The following KCNN2 variants were observed in gnomAD, a reference collection of about 807,000 sequenced individuals.
KCNN2 encodes small conductance calcium-activated potassium channel protein 2.
KCNN2 carries 24 observed loss-of-function variants against 55.5 expected under a neutral mutation model. That is an observed-to-expected ratio of 0.43 (90% CI 0.31 to 0.61). KCNN2 has a LOEUF of 0.61. Among genes scored for constraint, KCNN2 ranks in the 20% least tolerant of loss-of-function variants. KCNN2 has a pLI of 0.08. For missense variants in KCNN2, 754 were observed against 853.6 expected (o/e 0.88, Z 1.45); for synonymous variants, 431 against 336.1 (o/e 1.28, Z -3.09).
chr5:114,250,480 A>T (rs1754836679), intron 2 of KCNN2, among the ~76,000 whole-genome samples: 1 of 152,186 alleles, frequency 6.6e-6, no homozygotes, highest in Non-Finnish European at 1.5e-5. Flanking sequence ...AGGTTTAGAA[A>T]TGAAAGGCTG....
intron 2 of KCNN2, among the ~76,000 whole-genome samples, chr5:114,223,579 G>C (rs947427232): frequency 2.0e-5 from 3 of 152,156 alleles, no homozygotes; most frequent in African/African-American, 7.2e-5. Flanking sequence ...TCAGAGTCCA[G>C]TTAGGCGATA....
chr5:114,314,891 A>C (rs543051462), intron 2 of KCNN2, among the ~76,000 whole-genome samples: 42 of 152,270 alleles, frequency 2.8e-4, no homozygotes, highest in African/African-American at 9.6e-4. Context: ...CCCTCTAAAC[A>C]TGAGGGTTAA....
At chr5:114,479,820 T>A (rs549688545) in intron 5 of KCNN2, among the ~76,000 whole-genome samples, 2 of 152,272 alleles carry the variant, frequency 1.3e-5, no homozygotes, top group South Asian at 4.1e-4. Context: ...ATCAAGAAGT[T>A]CTTTGAAACT....
intron 1 of KCNN2, among the ~76,000 whole-genome samples, chr5:114,077,320 C>A (rs1431157809): frequency 6.6e-6 from 1 of 152,224 alleles, no homozygotes; most frequent in Non-Finnish European, 1.5e-5. Context: ...CTAGGGGGAA[C>A]CCCAAAACCA....
At chr5:114,100,440 A>T (rs547051042) in intron 1 of KCNN2, among the ~76,000 whole-genome samples, 59 of 152,190 alleles carry the variant, frequency 3.9e-4, no homozygotes, top group African/African-American at 1.3e-3. Flanking sequence ...GTATTATAGG[A>T]TTAATCAAGG....
intron 2 of KCNN2, among the ~76,000 whole-genome samples, chr5:114,316,471 A>G (rs1456982895): frequency 2.0e-5 from 3 of 152,068 alleles, no homozygotes; most frequent in Non-Finnish European, 2.9e-5. Flanking sequence ...AGGCTCAAAG[A>G]AGTTAGGTAT....
chr5:114,401,785 T>C (rs1297604083), intron 2 of KCNN2, among the ~76,000 whole-genome samples: 2 of 152,172 alleles, frequency 1.3e-5, no homozygotes, highest in Non-Finnish European at 2.9e-5. Context: ...GTTGGTGTGT[T>C]CTGGAATCTC....
At chr5:114,344,790 C>G (rs941874269) in intron 2 of KCNN2, among the ~76,000 whole-genome samples, 5 of 152,186 alleles carry the variant, frequency 3.3e-5, no homozygotes, top group African/African-American at 1.2e-4. Flanking sequence ...AAATTCTTTA[C>G]AACACATGAA....
At chr5:114,221,975 G>C (rs1415955803) in intron 2 of KCNN2, among the ~76,000 whole-genome samples, 1 of 152,112 alleles carries the variant, frequency 6.6e-6, no homozygotes, top group Non-Finnish European at 1.5e-5. Context: ...TGAAACTGAG[G>C]ATGATGAAAT....
chr5:114,330,978 C>A lies in KCNN2; in HGVS notation c.-184-29967C>A, dbSNP rs181575641. ...ACAACTATACATGCATCTTTATTTA[C>A]AAAGCAGATCCACCTTATCACTGTG... On this transcript the variant is annotated intron_variant, in intron 2 of 10. Coordinates refer to the KCNN2 transcript ENST00000512097. 2.6e-5 allele frequency among the ~76,000 whole-genome samples: 4 copies of A among 152,326 alleles called. No homozygotes were observed. In the East Asian group the frequency reaches 5.8e-4, roughly 22 times the overall value.
intron 3 of KCNN2, among the ~76,000 whole-genome samples, chr5:114,425,346 C>T (rs922259227): frequency 6.6e-6 from 1 of 152,184 alleles, no homozygotes; most frequent in Non-Finnish European, 1.5e-5. Context: ...ATAGGACCTA[C>T]ACCAACAGTC....
At chr5:114,091,319 A>G (rs79228021) in intron 1 of KCNN2, among the ~76,000 whole-genome samples, 1 of 152,156 alleles carries the variant, frequency 6.6e-6, no homozygotes, top group Non-Finnish European at 1.5e-5. Flanking sequence ...TCCTACTGAA[A>G]TCAATATGGG....
At chr5:114,236,613 G>A (rs1017386254) in intron 2 of KCNN2, among the ~76,000 whole-genome samples, 1 of 152,050 alleles carries the variant, frequency 6.6e-6, no homozygotes, top group African/African-American at 2.4e-5. Flanking sequence ...TAGGCCATAT[G>A]TATGCCCTTC....
intron 3 of KCNN2, among the ~76,000 whole-genome samples, chr5:114,439,190 T>C (rs1760122270): frequency 6.6e-6 from 1 of 152,196 alleles, no homozygotes; most frequent in African/African-American, 2.4e-5. Context: ...TGCCTACATA[T>C]ATGTATGAAA....
At chr5:114,208,385 G>C (rs778693009) in intron 1 of KCNN2, among the ~76,000 whole-genome samples, 3 of 151,896 alleles carry the variant, frequency 2.0e-5, no homozygotes, top group Non-Finnish European at 4.4e-5. Context: ...ACTATGTGGG[G>C]TGATTCTGTT....
rs188986911 is a variant in KCNN2, at chr5:114,084,378, G to A, written c.-271+27878G>A. ...CAATTTTAGTGATTTTGATACATACGTTATGGTATTTCACTGTTGCTTTAA... is the reference window on the plus strand; with the variant it reads ...CAATTTTAGTGATTTTGATACATACATTATGGTATTTCACTGTTGCTTTAA... On this transcript the variant is annotated intron_variant, in intron 1 of 10. Transcript: ENST00000512097. Among the ~76,000 whole-genome samples, 582 of 152,086 alleles carry A rather than the reference G, an allele frequency of 3.8e-3. 2 individuals are homozygous for A. The highest frequency in any genetic ancestry group is 0.012 in the African/African-American group (517 of 41,494).
intron 5 of KCNN2, among the ~76,000 whole-genome samples, chr5:114,475,566 G>A (rs1188051129): frequency 6.6e-6 from 1 of 152,080 alleles, no homozygotes; most frequent in African/African-American, 2.4e-5. Flanking sequence ...ACTAAATATG[G>A]TTGTCATGCT....
chr5:114,247,202 C>CAAAAAAAAAAAAA (rs370172975), intron 2 of KCNN2, among the ~76,000 whole-genome samples: 19 of 68,084 alleles, frequency 2.8e-4, no homozygotes, highest in African/African-American at 7.0e-4. Context: ...CATATGTCTC[C>CAAAAAAAAAAAAA]AAAAAAAAAA....
chr5:114,363,402 AG>A, intron 1 of KCNN2, 141 bp downstream of exon 1: 3 of 1,064,592 alleles, frequency 2.8e-6, no homozygotes, highest in South Asian at 1.7e-5. Context: ...GGGCGCGTCT[AG>A]GACGCGCATC....
Sources: allele counts gnomAD v4.1 joint callset (sites outside exome capture counted in the v4.1 genomes callset), GRCh38; gene constraint gnomAD v4.1.1; transcripts MANE v1.5; gene names NCBI Gene and HGNC (gene_info 2026-07-23, HGNC 2026-07-21).